Variants in SANBR observed in about 807,000 individuals in gnomAD.
SANBR encodes the protein SANT and BTB domain regulator of CSR.
SANBR carries 77 observed loss-of-function variants against 101.8 expected under a neutral mutation model. The observed-to-expected ratio is 0.76, with a 90% CI of 0.63 to 0.91. The LOEUF is 0.91. Ranked by LOEUF, SANBR falls within the 40% of genes least tolerant of loss-of-function variation. The pLI, the probability that SANBR is intolerant of heterozygous loss-of-function variation, is 0.00. For synonymous variants in SANBR, 279 were observed against 274.7 expected, an observed-to-expected ratio of 1.02 and a Z score of -0.15; for missense variants, 875 against 853.0, an observed-to-expected ratio of 1.03 and a Z score of -0.32.
chr2:61,137,189 G>A (rs1367785745), intron 21 of SANBR, among the ~76,000 whole-genome samples: 4 of 151,924 alleles, frequency 2.6e-5, no homozygotes, highest in Admixed American at 6.6e-5. Flanking sequence ...GAGGTGGGAG[G>A]CTCACTTAAG....
intron 8 of SANBR, among the ~76,000 whole-genome samples, chr2:61,087,169 TTAAG>T (rs1400956826): frequency 2.8e-4 from 42 of 152,050 alleles, no homozygotes; most frequent in Non-Finnish European, 5.0e-4. Flanking sequence ...TTCAAAGAGG[TTAAG>T]TAAGTGGCTA....
chr2:61,105,370 A>C (rs1169435504), intron 13 of SANBR, among the ~76,000 whole-genome samples: 2 of 151,866 alleles, frequency 1.3e-5, no homozygotes, highest in African/African-American at 4.8e-5. Flanking sequence ...CGTCTCAAAA[A>C]AAAAAAAGCA....
Position 61,097,652 on chromosome 2 carries a change from T to A in SANBR, c.1213-48T>A, listed in dbSNP as rs765949818. ...TGGTCTTAAGTATTTTTGAAACATA[T>A]AATTTTGTTGTGGAAATAGTAGTTG... On this transcript the variant is annotated intron_variant, in intron 11 of 21. Coordinates refer to ENST00000402291, the MANE Select transcript of SANBR (RefSeq NM_001129993.3). The A allele has an allele frequency of 4.3e-6, 6 of 1,394,120 alleles. No homozygotes were observed. The African/African-American group carries it at 5.7e-5, about 13-fold the overall frequency. The allele number at this position is 1,394,120 out of a possible 1,614,324, so 86.4% of individuals were successfully genotyped here.
At position 61,122,476 on chromosome 2, in the gene SANBR, G is replaced by A. The variant is rs1048690165; in HGVS notation, c.*314G>A. The stretch of plus-strand genomic sequence containing the variant: ...TATTTGAAAAAGAAAGGCCTAAACT[G>A]TCAGGTAGCCAAGTTTTTTTAAGAC... On this transcript the variant is annotated 3_prime_UTR_variant, in exon 22 of 22. Coordinates refer to ENST00000402291, the MANE Select transcript of SANBR (RefSeq NM_001129993.3). 32 of 1,062,438 alleles carry A rather than the reference G, an allele frequency of 3.0e-5. No homozygotes were observed. The highest frequency in any genetic ancestry group is 8.7e-4 in the Middle Eastern group (2 of 2,296). The allele number at this position is 1,062,438 out of a possible 1,614,324, so 65.8% of individuals were successfully genotyped here. A position where few individuals can be genotyped will look rare whatever the true frequency, so the allele number is the denominator to read the frequency against.
chr2:61,118,635 C>T (rs963031896), intron 20 of SANBR, among the ~76,000 whole-genome samples: 1 of 139,160 alleles, frequency 7.2e-6, no homozygotes, highest in African/African-American at 2.8e-5. Flanking sequence ...CATCTCGGCT[C>T]ACTGCAACCT....
intron 6 of SANBR, among the ~76,000 whole-genome samples, chr2:61,078,595 T>G (rs1559081886): frequency 1.3e-5 from 2 of 152,140 alleles, no homozygotes; most frequent in East Asian, 3.9e-4. Flanking sequence ...CTAATTTTTG[T>G]ATTTTTAGTA....
chr2:61,111,145 G>A (rs1391236759), intron 16 of SANBR, among the ~76,000 whole-genome samples: 1 of 152,120 alleles, frequency 6.6e-6, no homozygotes, highest in Non-Finnish European at 1.5e-5. Flanking sequence ...TGTAATCCCA[G>A]CACTTTGGGA....
chr2:61,104,121 A>G, intron 13 of SANBR, 123 bp downstream of exon 13: 2 of 792,466 alleles, frequency 2.5e-6, no homozygotes, highest in Non-Finnish European at 4.0e-6. Flanking sequence ...CAGAAAACTT[A>G]ACTGAAATTA....
At position 61,109,217 on chromosome 2, in the gene SANBR, A is replaced by G. The variant is rs772622966; in HGVS notation, c.1665A>G (p.Ser555=). The G allele has an allele frequency of 3.3e-6, 5 of 1,516,910 alleles. No homozygotes were observed. The highest frequency in any genetic ancestry group is 4.4e-6 in the Non-Finnish European group (5 of 1,126,076). 94.0% of individuals were successfully genotyped at this position (1,516,910 alleles called of 1,614,324 possible). A position where few individuals can be genotyped will look rare whatever the true frequency, so the allele number is the denominator to read the frequency against. The change falls in exon 16 of 22, where the codon TCA becomes TCG. Residue 555 remains serine (S), a synonymous_variant. Transcript: ENST00000402291. ...CTTAGAAACAACAGTCACTGTTTTCAGAAGAAGAAGAATATACCACTGGAT... is the reference window on the plus strand; with the variant it reads ...CTTAGAAACAACAGTCACTGTTTTCGGAAGAAGAAGAATATACCACTGGAT... ...TLQLKQQSLF[S]EEEEYTTGSE... is the part of the protein sequence containing the mutation.
At chr2:61,093,939 T>G (rs1343584104) in intron 11 of SANBR, 2 of 179,774 alleles carry the variant, frequency 1.1e-5, no homozygotes, top group Non-Finnish European at 2.1e-5. Context: ...TAATCTTATG[T>G]ATAAATGCAG....
chr2:61,092,998 T>C (rs1184232066), intron 11 of SANBR, among the ~76,000 whole-genome samples: 1 of 152,164 alleles, frequency 6.6e-6, no homozygotes, highest in African/African-American at 2.4e-5. Context: ...CCGGTTGTGG[T>C]GGCACATGCC....
Position 61,079,881 on chromosome 2 carries a change from A to G in SANBR, c.671-1571A>G, listed in dbSNP as rs1682003691. ...CGCCACTGCACTCCAGCCTGGCAAC[A>G]GAGCGAGACTCCGTCTCAATTTAAA... On this transcript the variant is annotated intron_variant, in intron 6 of 21. Coordinates refer to ENST00000402291, the MANE Select transcript of SANBR (RefSeq NM_001129993.3). Among the ~76,000 whole-genome samples the G allele has an allele frequency of 2.0e-5, 3 of 151,824 alleles. No individual in the cohort carries two copies. The South Asian group carries it at 6.3e-4, about 32-fold the overall frequency.
intron 1 of SANBR, among the ~76,000 whole-genome samples, chr2:61,066,888 G>C (rs1323008359): frequency 6.6e-6 from 1 of 152,084 alleles, no homozygotes; most frequent in Admixed American, 6.6e-5. Flanking sequence ...AATGAAGTCT[G>C]TTAAACATAT....
rs540518275 is a variant in SANBR at position 61,083,450 on chromosome 2, G to A, written c.890+136G>A. 4 of 637,940 alleles carry A rather than the reference G, an allele frequency of 6.3e-6. No homozygotes were observed. In the East Asian group the frequency reaches 1.2e-4, roughly 19 times the overall value. The allele number at this position is 637,940 out of a possible 1,614,324, so 39.5% of individuals were successfully genotyped here. A position where few individuals can be genotyped will look rare whatever the true frequency, so the allele number is the denominator to read the frequency against. On this transcript the variant is annotated intron_variant, in intron 8 of 21. Coordinates refer to ENST00000402291, the MANE Select transcript of SANBR (RefSeq NM_001129993.3). Reference sequence around the variant, plus strand: ...CTCACTCTGTTGTTCAGGCTGGAGTGCAGTGGTGCAATCTTGGCTCACTGC... The same window carrying A: ...CTCACTCTGTTGTTCAGGCTGGAGTACAGTGGTGCAATCTTGGCTCACTGC...
Position 61,070,439 on chromosome 2 carries a change from T to A in SANBR, c.89T>A (p.Ile30Asn). The change falls in exon 3 of 22, where the codon ATC becomes AAC. Residue 30 changes from isoleucine (I) to asparagine (N), a missense_variant. Transcript: ENST00000402291. The part of the protein sequence containing the change: ...LDMILYPLIG[I>N]PQTINWETIA... The stretch of plus-strand genomic sequence containing the variant: ...ATGATCCTTTATCCATTAATTGGAA[T>A]CCCTCAGACTATCAACTGGGAAACT... 2 of 1,601,858 alleles carry A rather than the reference T, an allele frequency of 1.2e-6. No individual in the cohort carries two copies. Among genetic ancestry groups the A allele is most frequent in the Non-Finnish European group, 1.7e-6 (2 of 1,175,372 alleles).
intron 7 of SANBR, 41 bp downstream of exon 7, chr2:61,081,551 C>T: frequency 6.8e-7 from 1 of 1,468,966 alleles, no homozygotes; most frequent in Non-Finnish European, 9.0e-7. Flanking sequence ...CTTCTGTTCA[C>T]TTATGCTTTC....
downstream of SANBR, among the ~76,000 whole-genome samples, chr2:61,127,902 C>G (rs753520185): frequency 3.3e-5 from 5 of 152,046 alleles, no homozygotes; most frequent in Non-Finnish European, 5.9e-5. Flanking sequence ...AGGTTAAATG[C>G]AAAGAAATCC....
chr2:61,123,416 T>G lies in SANBR; in HGVS notation c.*1254T>G. 1.0e-6 allele frequency: 1 copy of G among 985,014 alleles called. No individual in the cohort carries two copies. Among genetic ancestry groups the G allele is most frequent in the Non-Finnish European group, 1.2e-6 (1 of 829,412 alleles). 61.0% of individuals were successfully genotyped at this position (985,014 alleles called of 1,614,324 possible). A position where few individuals can be genotyped will look rare whatever the true frequency, so the allele number is the denominator to read the frequency against. On this transcript the variant is annotated 3_prime_UTR_variant, in exon 22 of 22. Coordinates refer to ENST00000402291, the MANE Select transcript of SANBR (RefSeq NM_001129993.3). The stretch of plus-strand genomic sequence containing the variant: ...GAGTCTTTTAGTTGATAAATGAAGC[T>G]AGATGTTATTTGATAACTGGCTTTG...
intron 20 of SANBR, among the ~76,000 whole-genome samples, chr2:61,132,699 G>C (rs1684723897): frequency 6.6e-6 from 1 of 152,124 alleles, no homozygotes; most frequent in East Asian, 1.9e-4. Flanking sequence ...ACCAATACTT[G>C]TACACAAATG....
Sources: allele counts gnomAD v4.1 joint callset (sites outside exome capture counted in the v4.1 genomes callset), GRCh38; gene constraint gnomAD v4.1.1; transcripts MANE v1.5; gene names NCBI Gene and HGNC (gene_info 2026-07-23, HGNC 2026-07-21).